The following KLHL8 variants were observed in gnomAD, a reference collection of about 807,000 sequenced individuals.
The protein encoded by KLHL8 is kelch like family member 8.
In KLHL8, 38 loss-of-function variants were observed where a neutral mutation model predicts 63.5. The observed-to-expected ratio is 0.60, with a 90% confidence interval of 0.46 to 0.78. The LOEUF (loss-of-function observed/expected upper bound fraction) is 0.78, where lower values mean the gene tolerates loss of function less well. Among genes scored for constraint, KLHL8 ranks in the 30% least tolerant of loss-of-function variants. The pLI is 0.00. For synonymous variants in KLHL8, 224 were observed against 254.3 expected (o/e 0.88, Z 1.13); for missense variants, 566 against 752.4 (o/e 0.75, Z 2.90).
intron 1 of KLHL8, among the ~76,000 whole-genome samples, chr4:87,228,666 A>G (rs1368398381): frequency 6.6e-6 from 1 of 152,256 alleles, no homozygotes; most frequent in Non-Finnish European, 1.5e-5. Context: ...CAGTGGAGAA[A>G]GAAGGTACAA....
chr4:87,223,497 A>G (rs1474719015), upstream of KLHL8, among the ~76,000 whole-genome samples: 2 of 152,184 alleles, frequency 1.3e-5, no homozygotes, highest in East Asian at 3.8e-4. Context: ...TACGCAGTAG[A>G]CAAAATTGAA....
chr4:87,240,420 T>C (rs1733307624), upstream of KLHL8: 1 of 152,226 alleles, frequency 6.6e-6, no homozygotes, highest in African/African-American at 2.4e-5. Flanking sequence ...TTCTTTCATT[T>C]ATTTGTCCAG....
In KLHL8 at chr4:87,162,008, A is replaced by G; in HGVS notation, c.*1511T>C. ...CTTTTTTTGTGATGTGGCTTTCCAC[A>G]CTATTGTAGAAGTCCAGAATCCCAT... On this transcript the variant is annotated 3_prime_UTR_variant, in exon 10 of 10. Coordinates refer to ENST00000273963, the MANE Select transcript of KLHL8 (RefSeq NM_020803.5). 6.6e-6 allele frequency: 1 copy of G among 151,774 alleles called. No individual in the cohort carries two copies. The highest frequency in any genetic ancestry group is 1.5e-5 in the Non-Finnish European group (1 of 67,992). The allele number at this position is 151,774 out of a possible 1,614,324, so 9.4% of individuals were successfully genotyped here. A position where few individuals can be genotyped will look rare whatever the true frequency, so the allele number is the denominator to read the frequency against.
chr4:87,177,857 T>C (rs1312595390), intron 5 of KLHL8, among the ~76,000 whole-genome samples: 2 of 152,046 alleles, frequency 1.3e-5, no homozygotes, highest in East Asian at 3.9e-4. Flanking sequence ...TCCTCCCACC[T>C]CAATCTCCAT....
chr4:87,196,210 A>C (rs775262628), intron 1 of KLHL8, among the ~76,000 whole-genome samples: 17 of 152,082 alleles, frequency 1.1e-4, no homozygotes, highest in Admixed American at 2.0e-4. Flanking sequence ...AAGTTCACTA[A>C]AGATTTTTTC....
intron 1 of KLHL8, among the ~76,000 whole-genome samples, chr4:87,217,266 G>A (rs1474580512): frequency 6.6e-6 from 1 of 151,250 alleles, no homozygotes; most frequent in African/African-American, 2.4e-5. Flanking sequence ...ACATAGTCAA[G>A]TGAATTTTAG....
chr4:87,174,646 T>G (rs916122338), intron 6 of KLHL8, among the ~76,000 whole-genome samples: 1 of 152,182 alleles, frequency 6.6e-6, no homozygotes, highest in Non-Finnish European at 1.5e-5. Flanking sequence ...AGCCCTCTTC[T>G]CTCTTCTCGC....
At chr4:87,210,086 G>T (rs1732338691) in intron 1 of KLHL8, among the ~76,000 whole-genome samples, 1 of 152,038 alleles carries the variant, frequency 6.6e-6, no homozygotes, top group Non-Finnish European at 1.5e-5. Flanking sequence ...GTGAACTCGT[G>T]AGCTCCAGCA....
chr4:87,216,887 A>G (rs1732616691), intron 1 of KLHL8, among the ~76,000 whole-genome samples: 1 of 152,250 alleles, frequency 6.6e-6, no homozygotes, highest in Admixed American at 6.5e-5. Context: ...GTTTTCACAT[A>G]CAACACCAAA....
chr4:87,185,891 C>T, intron 2 of KLHL8, 92 bp from the exon 3 acceptor site: 1 of 1,091,190 alleles, frequency 9.2e-7, no homozygotes, highest in East Asian at 2.6e-5. Context: ...GACAAAATTT[C>T]CAGACAAATT....
intron 1 of KLHL8, among the ~76,000 whole-genome samples, chr4:87,198,784 C>A (rs1334497173): frequency 6.6e-6 from 1 of 152,162 alleles, no homozygotes; most frequent in Non-Finnish European, 1.5e-5. Flanking sequence ...CACATACACA[C>A]AAATGAATGC....
chr4:87,217,976 T>C lies in KLHL8; in HGVS notation c.-152+2442A>G, dbSNP rs537804621. Among the ~76,000 whole-genome samples the C allele has an allele frequency of 6.6e-5, 10 of 152,332 alleles. No homozygotes were observed. In the South Asian group the frequency reaches 1.2e-3, roughly 19 times the overall value. On this transcript the variant is annotated intron_variant, in intron 1 of 9. Transcript: ENST00000273963. The stretch of plus-strand genomic sequence containing the variant: ...AGTTCTCTACAACTCTCAAAAGTTC[T>C]TGATAAAAACAAAAGGGTTATTTGT...
At chr4:87,168,313 C>T (rs1347810599) in intron 8 of KLHL8, among the ~76,000 whole-genome samples, 1 of 152,096 alleles carries the variant, frequency 6.6e-6, no homozygotes, top group Admixed American at 6.5e-5. Context: ...TTCTAGAAAT[C>T]TGGCCGTGAA....
chr4:87,218,927 G>A (rs1177371568), intron 1 of KLHL8, among the ~76,000 whole-genome samples: 1 of 151,926 alleles, frequency 6.6e-6, no homozygotes, highest in Admixed American at 6.6e-5. Flanking sequence ...GTAGAGATGG[G>A]GTTTCACCAT....
At chr4:87,171,639 TC>T (rs992701964) in intron 6 of KLHL8, among the ~76,000 whole-genome samples, 1 of 152,170 alleles carries the variant, frequency 6.6e-6, no homozygotes, top group African/African-American at 2.4e-5. Context: ...TAAGTATGCC[TC>T]ATAATTGTCC....
chr4:87,183,528 CTT>C, intron 3 of KLHL8, 139 bp from the exon 4 acceptor site: 2 of 693,258 alleles, frequency 2.9e-6, no homozygotes, highest in East Asian at 5.6e-5. Context: ...CTTTTTAAAA[CTT>C]AAGTTGTTAC....
intron 1 of KLHL8, among the ~76,000 whole-genome samples, chr4:87,202,753 G>A (rs887802680): frequency 9.9e-5 from 15 of 152,122 alleles, no homozygotes; most frequent in Non-Finnish European, 5.9e-5. Flanking sequence ...AAATAGCCTT[G>A]ACTCTACAAA....
intron 8 of KLHL8, among the ~76,000 whole-genome samples, chr4:87,169,122 C>G (rs10050249): frequency 6.6e-6 from 1 of 151,814 alleles, no homozygotes; most frequent in Non-Finnish European, 1.5e-5. Flanking sequence ...CTGGCAAACA[C>G]GATGAAACCC....
In KLHL8 at chr4:87,160,724, G is replaced by C. The variant is rs1255216675; in HGVS notation, c.*2795C>G. 1.3e-5 allele frequency: 2 copies of C among 152,224 alleles called. No homozygotes were observed. The highest frequency in any genetic ancestry group is 3.4e-3 in the Middle Eastern group (1 of 294). The allele number at this position is 152,224 out of a possible 1,614,324, so 9.4% of individuals were successfully genotyped here. A position where few individuals can be genotyped will look rare whatever the true frequency, so the allele number is the denominator to read the frequency against. On this transcript the variant is annotated 3_prime_UTR_variant, in exon 10 of 10. Coordinates refer to ENST00000273963, the MANE Select transcript of KLHL8 (RefSeq NM_020803.5). The stretch of plus-strand genomic sequence containing the variant: ...CAATGGCTTTAATGACTAAATGAAA[G>C]AATCACAAAGCACCTAGAAATATTT...
Sources: gnomAD v4.1 joint callset for allele counts (sites outside exome capture counted in the v4.1 genomes callset) on GRCh38, gnomAD v4.1.1 for gene constraint, MANE v1.5 for transcripts, NCBI Gene and HGNC (gene_info 2026-07-23, HGNC 2026-07-21) for gene names.